SEPTIN7: variants seen among roughly 807,000 people sequenced by gnomAD.
SEPTIN7 encodes the protein septin 7, also known as septin-7.
A neutral mutation model predicts 63.3 loss-of-function variants in SEPTIN7; 10 were observed. The ratio of observed to expected loss-of-function variants is 0.16; its 90% CI spans 0.10 to 0.27. The LOEUF is 0.27. Ranked by LOEUF, SEPTIN7 falls within the 10% of genes least tolerant of loss-of-function variation. SEPTIN7 has a pLI of 1.00. For synonymous variants in SEPTIN7, 131 were observed against 165.3 expected (o/e 0.79, Z 1.59); for missense variants, 310 against 521.0 (o/e 0.59, Z 3.94).
rs921990135 is a variant in SEPTIN7 at position 35,808,581 on chromosome 7, C to G, written c.61+7311C>G. ...AGGAAGTCTAAGATCACAGTGCCAG[C>G]AGGTTTGGCGTCTCTGCTTCCAAGA... is the stretch of plus-strand genomic sequence containing the variant. On this transcript the variant is annotated intron_variant, in intron 1 of 13. Transcript: ENST00000350320. 2.0e-4 allele frequency among the ~76,000 whole-genome samples: 31 copies of G among 152,162 alleles called. 1 individual carries two copies. Among genetic ancestry groups the G allele is most frequent in the Non-Finnish European group, 1.5e-4 (10 of 68,024 alleles).
intron 1 of SEPTIN7, chr7:35,812,196 A>G (rs1788771527): frequency 6.2e-6 from 1 of 162,482 alleles, no homozygotes; most frequent in African/African-American, 2.4e-5. Flanking sequence ...GCTGTGGGCG[A>G]AAAAGATAAC....
At chr7:35,842,899 G>A (rs1406896315) in intron 3 of SEPTIN7, among the ~76,000 whole-genome samples, 1 of 152,034 alleles carries the variant, frequency 6.6e-6, no homozygotes, top group African/African-American at 2.4e-5. Context: ...AAAGTAACAA[G>A]TGTATGTTAT....
At chr7:35,830,111 G>A (rs746886309) in intron 1 of SEPTIN7, among the ~76,000 whole-genome samples, 13 of 151,850 alleles carry the variant, frequency 8.6e-5, no homozygotes, top group Admixed American at 5.3e-4. Context: ...CTTGAACCTC[G>A]GAAAGAGGTT....
chr7:35,801,616 C>T (rs767319551), intron 1 of SEPTIN7, among the ~76,000 whole-genome samples: 13 of 152,168 alleles, frequency 8.5e-5, no homozygotes, highest in Non-Finnish European at 1.6e-4. Flanking sequence ...GTCCCTTCGC[C>T]TTTCCTCAGT....
chr7:35,861,235 A>G (rs553700602), intron 3 of SEPTIN7, among the ~76,000 whole-genome samples: 1 of 152,222 alleles, frequency 6.6e-6, no homozygotes, highest in African/African-American at 2.4e-5. Flanking sequence ...CTCTTTGGGC[A>G]TAGTTCAGAC....
chr7:35,882,154 T>A (rs1330098041), intron 7 of SEPTIN7, among the ~76,000 whole-genome samples: 1 of 152,008 alleles, frequency 6.6e-6, no homozygotes, highest in East Asian at 1.9e-4. Context: ...TGTAAATAAA[T>A]GACCTAAAGT....
chr7:35,832,084 C>G (rs1161712119), intron 2 of SEPTIN7: 6 of 453,480 alleles, frequency 1.3e-5, no homozygotes, highest in Non-Finnish European at 2.2e-5. Context: ...AAGTAGATTT[C>G]TTTCAGTTAC....
At chr7:35,821,620 A>G (rs541142447) in intron 1 of SEPTIN7, among the ~76,000 whole-genome samples, 8 of 152,172 alleles carry the variant, frequency 5.3e-5, no homozygotes, top group African/African-American at 1.4e-4. Context: ...CTGGAAGTGG[A>G]ATTTGTTGAA....
At chr7:35,863,467 G>T (rs1453597626) in intron 3 of SEPTIN7, 85 bp from the exon 4 acceptor site, 3 of 732,480 alleles carry the variant, frequency 4.1e-6, no homozygotes, top group Non-Finnish European at 6.7e-6. Context: ...CTTGCATAAG[G>T]CAAGTTTGAT....
chr7:35,826,280 A>G (rs1783509556), intron 1 of SEPTIN7, among the ~76,000 whole-genome samples: 3 of 151,874 alleles, frequency 2.0e-5, no homozygotes, highest in African/African-American at 7.2e-5. Flanking sequence ...AAACTTCTGC[A>G]TTAATATCTT....
chr7:35,826,368 AAAAC>A (rs1377393368), intron 1 of SEPTIN7, among the ~76,000 whole-genome samples: 14 of 150,286 alleles, frequency 9.3e-5, no homozygotes, highest in African/African-American at 3.4e-4. Flanking sequence ...GTCAGTGTGT[AAAAC>A]AATATGCTAT....
In SEPTIN7 at chr7:35,836,620, A is replaced by AT. The variant is rs974895416; in HGVS notation, c.169+3729dup. ...TTTTTGGGATTCAGAGTTTATCCTA[A>AT]TTTTTTTTTGGTATATGCCTTATCA... On this transcript the variant is annotated intron_variant, in intron 3 of 13. Transcript: ENST00000350320. Among the ~76,000 whole-genome samples the AT allele has an allele frequency of 2.2e-4, 34 of 151,124 alleles. No homozygotes were observed. The East Asian group carries it at 4.7e-3, about 21-fold the overall frequency.
intron 1 of SEPTIN7, among the ~76,000 whole-genome samples, chr7:35,819,970 T>G (rs1407835853): frequency 6.6e-6 from 1 of 152,096 alleles, no homozygotes; most frequent in Non-Finnish European, 1.5e-5. Flanking sequence ...TTTGCTGTTT[T>G]CTACATCTTG....
chr7:35,880,172 T>C (rs1409115261), intron 7 of SEPTIN7, among the ~76,000 whole-genome samples: 1 of 141,246 alleles, frequency 7.1e-6, no homozygotes, highest in Non-Finnish European at 1.6e-5. Flanking sequence ...CCATACTCTT[T>C]AGAATTATTT....
intron 1 of SEPTIN7, among the ~76,000 whole-genome samples, chr7:35,822,144 A>G (rs1789458390): frequency 6.6e-6 from 1 of 151,876 alleles, no homozygotes; most frequent in Non-Finnish European, 1.5e-5. Context: ...CTGTAGCACC[A>G]TCCTGGCTCA....
chr7:35,815,525 C>T (rs1186724132), intron 1 of SEPTIN7, among the ~76,000 whole-genome samples: 1 of 152,102 alleles, frequency 6.6e-6, no homozygotes, highest in African/African-American at 2.4e-5. Context: ...CTTTCATCTA[C>T]AATTTATTTA....
intron 6 of SEPTIN7, among the ~76,000 whole-genome samples, chr7:35,878,606 G>A (rs969845937): frequency 1.4e-4 from 21 of 152,058 alleles, no homozygotes; most frequent in Non-Finnish European, 2.8e-4. Context: ...CAAAGGACTT[G>A]GTGGCCTAGA....
chr7:35,826,409 A>T (rs114371202), intron 1 of SEPTIN7, among the ~76,000 whole-genome samples: 2,928 of 149,678 alleles, frequency 0.02, 97 homozygotes, highest in African/African-American at 0.064. Flanking sequence ...ATATATATAT[A>T]TTTTTTAAAA....
chr7:35,874,866 C>G (rs1786380674), intron 6 of SEPTIN7, among the ~76,000 whole-genome samples: 1 of 152,102 alleles, frequency 6.6e-6, no homozygotes, highest in East Asian at 1.9e-4. Flanking sequence ...TTAAAAGGCT[C>G]AAAAAAAGTA....
Sources: allele counts gnomAD v4.1 joint callset (sites outside exome capture counted in the v4.1 genomes callset), GRCh38; gene constraint gnomAD v4.1.1; transcripts MANE v1.5; gene names NCBI Gene and HGNC (gene_info 2026-07-23, HGNC 2026-07-21).